ZNF804A: variants seen among roughly 807,000 people sequenced by gnomAD.
ZNF804A encodes zinc finger protein 804A.
ZNF804A carries 2 observed loss-of-function variants against 16.5 expected under a neutral mutation model. The ratio of observed to expected loss-of-function variants is 0.12; its 90% confidence interval spans 0.05 to 0.38. The LOEUF (loss-of-function observed/expected upper bound fraction) is 0.38. Among genes scored for constraint, ZNF804A ranks in the 10% least tolerant of loss-of-function variants. The pLI is 0.99. For missense variants in ZNF804A, 1,473 were observed against 1,390.7 expected, an observed-to-expected ratio of 1.06 and a Z score of -0.94; for synonymous variants, 534 against 489.6, an observed-to-expected ratio of 1.09 and a Z score of -1.20.
chr2:184,705,609 AT>A (rs1219291710), intron 1 of ZNF804A, among the ~76,000 whole-genome samples: 1 of 151,586 alleles, frequency 6.6e-6, no homozygotes. Flanking sequence ...CATGGTACCT[AT>A]TTTTTTTCTT....
intron 2 of ZNF804A, among the ~76,000 whole-genome samples, chr2:184,919,911 T>A (rs1685503571): frequency 6.6e-6 from 1 of 151,950 alleles, no homozygotes; most frequent in South Asian, 2.1e-4. Context: ...AGGTCAGGAG[T>A]TAGAGATTAG....
At chr2:184,852,229 TTCTCTCTCTCTC>T (rs10618125) in intron 1 of ZNF804A, among the ~76,000 whole-genome samples, 1 of 134,664 alleles carries the variant, frequency 7.4e-6, no homozygotes, top group African/African-American at 2.8e-5. Context: ...TGCGGTCTCT[TTCTCTCTCTCTC>T]TCTCTCTCTC....
intron 1 of ZNF804A, among the ~76,000 whole-genome samples, chr2:184,776,131 A>AG: frequency 6.6e-6 from 1 of 151,802 alleles, no homozygotes; most frequent in East Asian, 1.9e-4. Context: ...ATAGTTTCTT[A>AG]GAAAAAAGAA....
At chr2:184,765,734 T>C (rs1345117705) in intron 1 of ZNF804A, among the ~76,000 whole-genome samples, 1 of 152,044 alleles carries the variant, frequency 6.6e-6, no homozygotes, top group Non-Finnish European at 1.5e-5. Flanking sequence ...TAACTCAGTG[T>C]CTGAAGAGTT....
rs36103347 is a variant in ZNF804A, at chr2:184,704,155, C to CTT, written c.111+105097_111+105098dup. On this transcript the variant is annotated intron_variant, in intron 1 of 3. Coordinates refer to ENST00000302277, the MANE Select transcript of ZNF804A (RefSeq NM_194250.2). ...ACTTTCAGATTGAGTTTCAGGAAAT[C>CTT]TTTTTTTTTTTTTGACACCGAGTTT... 3.1e-3 allele frequency among the ~76,000 whole-genome samples: 458 copies of CTT among 145,796 alleles called. 7 individuals are homozygous for CTT. In the East Asian group the frequency reaches 0.034, roughly 11 times the overall value.
At chr2:184,687,597 A>G (rs988531014) in intron 1 of ZNF804A, among the ~76,000 whole-genome samples, 1 of 152,226 alleles carries the variant, frequency 6.6e-6, no homozygotes, top group African/African-American at 2.4e-5. Context: ...TAGATTAGAC[A>G]TTACTGATGG....
At chr2:184,663,674 G>A (rs1199276779) in intron 1 of ZNF804A, among the ~76,000 whole-genome samples, 2 of 152,048 alleles carry the variant, frequency 1.3e-5, no homozygotes, top group Non-Finnish European at 1.5e-5. Context: ...AATTTAGGGT[G>A]CCTTTGTTTG....
chr2:184,725,047 A>T (rs1208367320), intron 1 of ZNF804A, among the ~76,000 whole-genome samples: 1 of 151,728 alleles, frequency 6.6e-6, no homozygotes, highest in Non-Finnish European at 1.5e-5. Flanking sequence ...TTTGAGAATT[A>T]AGGCTTTCAC....
intron 1 of ZNF804A, among the ~76,000 whole-genome samples, chr2:184,610,771 C>T (rs1421910625): frequency 6.6e-6 from 1 of 152,176 alleles, no homozygotes; most frequent in African/African-American, 2.4e-5. Flanking sequence ...GAATAGTGTT[C>T]TTGCACCCAA....
At chr2:184,747,274 A>G (rs1446645318) in intron 1 of ZNF804A, among the ~76,000 whole-genome samples, 1 of 143,020 alleles carries the variant, frequency 7.0e-6, no homozygotes, top group African/African-American at 2.6e-5. Context: ...GTCCCCTTCC[A>G]CACTGTGGAA....
intron 1 of ZNF804A, among the ~76,000 whole-genome samples, chr2:184,635,707 C>A (rs1308853463): frequency 1.3e-5 from 2 of 152,024 alleles, no homozygotes; most frequent in African/African-American, 2.4e-5. Flanking sequence ...CATGCAAGAG[C>A]TTTCTTGTTG....
rs1439995271 is a variant in ZNF804A at position 184,599,038 on chromosome 2, G to A, written c.79G>A (p.Gly27Ser). Reference protein sequence around the residue: ...HFRNIKGVFRGPLSKNGNKTL... With the variant: ...HFRNIKGVFRSPLSKNGNKTL... The stretch of plus-strand genomic sequence containing the variant: ...TCGCAACATCAAGGGAGTTTTCCGG[G>A]GCCCTCTCAGCAAGAACGGGAACAA... Residue 27 changes from glycine to serine, a missense_variant, in exon 1 of 4, where the codon GGC becomes AGC. By Grantham distance (56) the Gly-to-Ser change is moderately conservative (BLOSUM62 0). Transcript: ENST00000302277. 6.2e-7 allele frequency: 1 copy of A among 1,613,800 alleles called. No homozygotes were observed. The highest frequency in any genetic ancestry group is 8.5e-7 in the Non-Finnish European group (1 of 1,179,874).
intron 2 of ZNF804A, among the ~76,000 whole-genome samples, chr2:184,877,879 T>C (rs1195927372): frequency 6.6e-6 from 1 of 151,908 alleles, no homozygotes; most frequent in African/African-American, 2.4e-5. Context: ...AAAAATAATA[T>C]GAAGAAAATA....
rs996103210 is a variant in ZNF804A, at chr2:184,599,175, A to AT, written c.111+112dup. 29 of 911,846 alleles carry AT rather than the reference A, an allele frequency of 3.2e-5. No homozygotes were observed. The Admixed American group carries it at 4.2e-4, about 13-fold the overall frequency. 56.5% of individuals were successfully genotyped at this position (911,846 alleles called of 1,614,324 possible). ...ATTCAGTTTGGTTTATAATTTACTC[A>AT]TTTTTTTATCTGGTGGGCGTGGGGT... On this transcript the variant is annotated intron_variant, in intron 1 of 3. Coordinates refer to ENST00000302277, the MANE Select transcript of ZNF804A (RefSeq NM_194250.2).
At chr2:184,930,059 G>C (rs944171095) in intron 2 of ZNF804A, among the ~76,000 whole-genome samples, 1 of 151,970 alleles carries the variant, frequency 6.6e-6, no homozygotes, top group African/African-American at 2.4e-5. Flanking sequence ...AACACACAAT[G>C]AAAGTAAAAA....
At chr2:184,808,661 C>CA (rs953293623) in intron 1 of ZNF804A, among the ~76,000 whole-genome samples, 54 of 149,342 alleles carry the variant, frequency 3.6e-4, no homozygotes, top group Non-Finnish European at 6.6e-4. Context: ...TAAAGACACA[C>CA]AAAAAAAAAC....
chr2:184,811,750 TAA>T (rs1465426910), intron 1 of ZNF804A, among the ~76,000 whole-genome samples: 2 of 151,978 alleles, frequency 1.3e-5, no homozygotes, highest in Non-Finnish European at 2.9e-5. Context: ...ATAAAGAAAA[TAA>T]GTCATCAAAA....
intron 1 of ZNF804A, among the ~76,000 whole-genome samples, chr2:184,802,548 A>C (rs1694743852): frequency 6.6e-6 from 1 of 152,168 alleles, no homozygotes; most frequent in South Asian, 2.1e-4. Context: ...ATAACAGTTT[A>C]TGTGTCTGGT....
chr2:184,937,945 G>A lies in ZNF804A; in HGVS notation c.2549G>A (p.Ser850Asn). ...TTAAATCCTCTGGATAGGTTAATAA[G>A]TGAAGACAAAAAAGAGAAAATGAAA... ...SSLNPLDRLI[S>N]EDKKEKMKPQ... Residue 850 changes from serine (S) to asparagine (N), a missense_variant, in exon 4 of 4, where the codon AGT becomes AAT. Physicochemically the swap from Ser to Asn is conservative, Grantham distance 46. Transcript: ENST00000302277. The A allele has an allele frequency of 4.3e-6, 7 of 1,613,822 alleles. No homozygotes were observed. Among genetic ancestry groups the A allele is most frequent in the Non-Finnish European group, 5.9e-6 (7 of 1,179,960 alleles).
Sources: gnomAD v4.1 joint callset for allele counts (sites outside exome capture counted in the v4.1 genomes callset) on GRCh38, gnomAD v4.1.1 for gene constraint, MANE v1.5 for transcripts, NCBI Gene and HGNC (gene_info 2026-07-23, HGNC 2026-07-21) for gene names.